ZNF638: variants seen among roughly 807,000 people sequenced by gnomAD.
The protein encoded by ZNF638 is CTCL tumor antigen se33-1.
ZNF638 carries 46 observed loss-of-function variants against 195.6 expected under a neutral mutation model. The ratio of observed to expected loss-of-function variants is 0.24; its 90% CI spans 0.19 to 0.30. The LOEUF is 0.30. Ranked by LOEUF, ZNF638 falls within the 10% of genes least tolerant of loss-of-function variation. ZNF638 has a pLI of 1.00. For synonymous variants in ZNF638, 845 were observed against 772.0 expected, an observed-to-expected ratio of 1.09 and a Z score of -1.57; for missense variants, 2,440 against 2,325.3, an observed-to-expected ratio of 1.05 and a Z score of -1.01.
chr2:71,422,866 G>T lies in ZNF638; in HGVS notation c.3352G>T (p.Asp1118Tyr). ...IDESEVQTAT[D>Y]SPSVKPNELE... The stretch of plus-strand genomic sequence containing the variant: ...TGAAAGTGAGGTGCAAACAGCAACT[G>T]ATAGTCCCTCTGTTAAACCTAATGA... The change falls in exon 22 of 28, where the codon GAT becomes TAT. Residue 1118 changes from aspartate to tyrosine, a missense_variant. Coordinates refer to ENST00000264447, the MANE Select transcript of ZNF638 (RefSeq NM_014497.5). The T allele has an allele frequency of 1.9e-6, 3 of 1,614,022 alleles. No individual in the cohort carries two copies. Among genetic ancestry groups the T allele is most frequent in the Non-Finnish European group, 2.5e-6 (3 of 1,179,942 alleles).
chr2:71,346,619 C>CT (rs2078854277), intron 1 of ZNF638, among the ~76,000 whole-genome samples: 1 of 152,112 alleles, frequency 6.6e-6, no homozygotes, highest in East Asian at 1.9e-4. Context: ...GGGGATAAGA[C>CT]TTAGCCATGA....
At chr2:71,341,006 G>A (rs1170060044) in intron 1 of ZNF638, among the ~76,000 whole-genome samples, 1 of 152,174 alleles carries the variant, frequency 6.6e-6, no homozygotes, top group Non-Finnish European at 1.5e-5. Context: ...GATTTTTGAT[G>A]ATGGTTTTGG....
At chr2:71,416,960 G>T (rs973118714) in intron 20 of ZNF638, among the ~76,000 whole-genome samples, 1 of 151,104 alleles carries the variant, frequency 6.6e-6, no homozygotes, top group Non-Finnish European at 1.5e-5. Context: ...CAGAGGTGGA[G>T]CCTACAGAGG....
Position 71,424,658 on chromosome 2 carries a change from T to G in ZNF638, c.4533T>G (p.Ala1511=). 6.2e-7 allele frequency: 1 copy of G among 1,612,580 alleles called. No homozygotes were observed. Among genetic ancestry groups the G allele is most frequent in the Non-Finnish European group, 8.5e-7 (1 of 1,179,374 alleles). Residue 1511 remains alanine (A), a synonymous_variant, in exon 23 of 28, where the codon GCT becomes GCG. Coordinates refer to ENST00000264447, the MANE Select transcript of ZNF638 (RefSeq NM_014497.5). ...CTTATTTACTATTTCAGACTTTGGC[T>G]GAGCAAAACACTAAGAATCCTAAAA... The part of the protein sequence containing the change: ...KRDDSNNKTL[A]EQNTKNPKST...
intron 10 of ZNF638, chr2:71,393,265 C>T (rs1209503862): frequency 1.7e-6 from 1 of 604,722 alleles, no homozygotes; most frequent in Non-Finnish European, 3.0e-6. Context: ...TAGAAAAGCA[C>T]CTTGCTAAAA....
Position 71,348,990 on chromosome 2 carries a change from T to G in ZNF638, c.36T>G (p.Phe12Leu). ...SRPRFNPRGD[F>L]PLQRPRAPNP... is the part of the protein sequence containing the mutation. Reference sequence around the variant, plus strand: ...CCAGGTTTAATCCTCGAGGAGACTTTCCACTTCAAAGGCCACGAGCACCTA... The same window carrying G: ...CCAGGTTTAATCCTCGAGGAGACTTGCCACTTCAAAGGCCACGAGCACCTA... Residue 12 changes from phenylalanine to leucine, a missense_variant, in exon 2 of 28, where the codon TTT (phenylalanine) becomes TTG (leucine). Transcript: ENST00000264447. The G allele has an allele frequency of 6.2e-7, 1 of 1,614,174 alleles. No homozygotes were observed. The highest frequency in any genetic ancestry group is 1.1e-5 in the South Asian group (1 of 91,088).
chr2:71,424,090 G>A lies in ZNF638; in HGVS notation c.4524+52G>A, dbSNP rs192980647. On this transcript the variant is annotated intron_variant, in intron 22 of 27. Coordinates refer to ENST00000264447, the MANE Select transcript of ZNF638 (RefSeq NM_014497.5). ...GTGTGTCTTTGAAGTGATTAGCTCC[G>A]CTGCTGTAGCTATGTAGTAGGAGAT... The A allele has an allele frequency of 1.3e-4, 209 of 1,561,734 alleles. 1 individual carries two copies. The East Asian group carries it at 1.5e-3, about 11-fold the overall frequency.
At position 71,405,628 on chromosome 2, in the gene ZNF638, GA is replaced by G; in HGVS notation, c.2990del (p.Asn997MetfsTer7). ...EEAIFITLVK[E>X]NDPEANIDTI... is the part of the protein sequence containing the mutation. ...AGCTATATTTATAACCTTGGTAAAA[GA>G]AAATGACCCAGAGGTAAGTTTTGCA... On this transcript the variant is annotated frameshift_variant, in exon 18 of 28. Transcript: ENST00000264447. LOFTEE classifies it high-confidence loss of function. The G allele has an allele frequency of 1.9e-6, 3 of 1,570,184 alleles. No individual in the cohort carries two copies. Among genetic ancestry groups the G allele is most frequent in the South Asian group, 2.3e-5 (2 of 85,636 alleles).
At chr2:71,353,602 C>T (rs2078977019) in intron 2 of ZNF638, among the ~76,000 whole-genome samples, 1 of 152,044 alleles carries the variant, frequency 6.6e-6, no homozygotes, top group Non-Finnish European at 1.5e-5. Context: ...GTGAAGCAAG[C>T]CTAAGAATGT....
rs775498569 is a variant in ZNF638 at position 71,423,623 on chromosome 2, C to A, written c.4109C>A (p.Ala1370Asp). 1.2e-6 allele frequency: 2 copies of A among 1,613,736 alleles called. No individual in the cohort carries two copies. The highest frequency in any genetic ancestry group is 1.7e-6 in the Non-Finnish European group (2 of 1,179,986). ...TACCCAAATAAAGGAGTGGGTCAGG[C>A]TAATAAGCCTGATGAAACTAGTAAA... is the stretch of plus-strand genomic sequence containing the variant. ...KAYPNKGVGQ[A>D]NKPDETSKTS... The change falls in exon 22 of 28, where the codon GCT becomes GAT. Residue 1370 changes from alanine to aspartate, a missense_variant. By Grantham distance (126) the Ala-to-Asp change is moderately radical. Transcript: ENST00000264447.
chr2:71,428,601 C>T lies in ZNF638; in HGVS notation c.5600C>T (p.Ala1867Val). The change falls in exon 25 of 28, where the codon GCT becomes GTT. Residue 1867 changes from alanine (A) to valine (V), a missense_variant. By Grantham distance (64) the Ala-to-Val change is moderately conservative (BLOSUM62 0). Coordinates refer to ENST00000264447, the MANE Select transcript of ZNF638 (RefSeq NM_014497.5). ...RIGKTLPSEK[A>V]VVTEPAKGEE... is the part of the protein sequence containing the mutation. ...GGGAAAACTCTGCCATCAGAAAAAGCTGTTGTGACAGAACCAGCAAAAGGT... is the reference window on the plus strand; with the variant it reads ...GGGAAAACTCTGCCATCAGAAAAAGTTGTTGTGACAGAACCAGCAAAAGGT... 1 of 1,614,034 alleles carries T rather than the reference C, an allele frequency of 6.2e-7. No homozygotes were observed. Among genetic ancestry groups the T allele is most frequent in the Non-Finnish European group, 8.5e-7 (1 of 1,179,978 alleles).
rs952279312 is a variant in ZNF638, at chr2:71,389,468, C to T, written c.2378-6673C>T. ...TGGGACTGGTCAGTGCTAGCTAAAA[C>T]AACTTTAGAGCCCAGTCAGTACCTC... On this transcript the variant is annotated intron_variant, in intron 10 of 27. Transcript: ENST00000264447. Among the ~76,000 whole-genome samples, 5 of 152,178 alleles carry T rather than the reference C, an allele frequency of 3.3e-5. No individual in the cohort carries two copies. In the South Asian group the frequency reaches 6.2e-4, roughly 19 times the overall value.
chr2:71,367,598 C>G (rs765633038), intron 6 of ZNF638, among the ~76,000 whole-genome samples: 1 of 151,948 alleles, frequency 6.6e-6, no homozygotes, highest in Non-Finnish European at 1.5e-5. Context: ...TGCCACCACG[C>G]CTGGCTAATT....
intron 3 of ZNF638, among the ~76,000 whole-genome samples, chr2:71,358,899 C>G (rs892863555): frequency 2.0e-5 from 3 of 152,190 alleles, no homozygotes; most frequent in African/African-American, 7.2e-5. Context: ...AATCTGTGAT[C>G]AGTGATCTTT....
At chr2:71,353,375 A>T (rs1440801166) in intron 2 of ZNF638, among the ~76,000 whole-genome samples, 2 of 152,194 alleles carry the variant, frequency 1.3e-5, no homozygotes, top group Non-Finnish European at 2.9e-5. Context: ...ATAGTGAGTG[A>T]GCCCTGATAC....
intron 10 of ZNF638, chr2:71,393,607 T>G (rs2079832949): frequency 1.4e-6 from 1 of 717,914 alleles, no homozygotes; most frequent in Non-Finnish European, 2.6e-6. Flanking sequence ...ACAGAAACCA[T>G]TCACTCCAGA....
At chr2:71,369,322 CAAAA>C (rs34506232) in intron 7 of ZNF638, among the ~76,000 whole-genome samples, 6 of 99,022 alleles carry the variant, frequency 6.1e-5, no homozygotes, top group Non-Finnish European at 8.3e-5. Context: ...GGCTCCGTCT[CAAAA>C]AAAAAAAAAA....
At chr2:71,393,265 C>A (rs1209503862) in intron 10 of ZNF638, 1 of 604,722 alleles carries the variant, frequency 1.7e-6, no homozygotes, top group East Asian at 2.8e-5. Context: ...TAGAAAAGCA[C>A]CTTGCTAAAA....
chr2:71,418,611 G>A lies in ZNF638; in HGVS notation c.3271G>A (p.Glu1091Lys). Residue 1091 changes from glutamate to lysine, a missense_variant, in exon 21 of 28, where the codon GAG (glutamate) becomes AAG (lysine). Glu to Lys is a moderately conservative substitution (Grantham distance 56). Coordinates refer to ENST00000264447, the MANE Select transcript of ZNF638 (RefSeq NM_014497.5). ...PKIDLPEVQI[E>K]HDPELEKESP... Reference sequence around the variant, plus strand: ...GCTGATTATATTACAGGTGCAAATTGAGCATGACCCAGAATTAGAAAAAGA... The same window carrying A: ...GCTGATTATATTACAGGTGCAAATTAAGCATGACCCAGAATTAGAAAAAGA... 1.3e-6 allele frequency: 2 copies of A among 1,554,700 alleles called. No individual in the cohort carries two copies. The highest frequency in any genetic ancestry group is 1.7e-6 in the Non-Finnish European group (2 of 1,150,690).
Sources: allele counts gnomAD v4.1 joint callset (sites outside exome capture counted in the v4.1 genomes callset), GRCh38; gene constraint gnomAD v4.1.1; transcripts MANE v1.5; gene names NCBI Gene and HGNC (gene_info 2026-07-23, HGNC 2026-07-21).